Variants in PTPRD observed in about 807,000 individuals in gnomAD.
PTPRD encodes receptor-type tyrosine-protein phosphatase delta.
Under a neutral mutation model 214.5 loss-of-function variants are expected in PTPRD, and 34 were observed. The ratio of observed to expected loss-of-function variants is 0.16; its 90% CI spans 0.12 to 0.21. The LOEUF (loss-of-function observed/expected upper bound fraction) is 0.21. Among genes scored for constraint, PTPRD ranks in the 10% least tolerant of loss-of-function variants. The pLI, the probability that PTPRD is intolerant of heterozygous loss-of-function variation, is 1.00. For missense variants in PTPRD, 2,545 were observed against 2,398.7 expected, an observed-to-expected ratio of 1.06 and a Z score of -1.27; for synonymous variants, 1,128 against 845.7, an observed-to-expected ratio of 1.33 and a Z score of -5.79.
intron 12 of PTPRD, among the ~76,000 whole-genome samples, chr9:8,663,296 T>TA (rs3045060): frequency 4.0e-5 from 6 of 151,252 alleles, no homozygotes; most frequent in South Asian, 2.1e-4. Flanking sequence ...TTTTTTTTTT[T>TA]AATTCTGGGT....
chr9:9,238,435 C>T (rs2099968387), intron 9 of PTPRD, among the ~76,000 whole-genome samples: 1 of 152,066 alleles, frequency 6.6e-6, no homozygotes, highest in African/African-American at 2.4e-5. Context: ...TTATAGGTGT[C>T]TGGGTTTTAA....
At chr9:9,373,601 T>A (rs2060078516) in intron 9 of PTPRD, among the ~76,000 whole-genome samples, 1 of 152,110 alleles carries the variant, frequency 6.6e-6, no homozygotes, top group African/African-American at 2.4e-5. Flanking sequence ...TGACTTATGG[T>A]CACCTCACTC....
chr9:8,706,176 T>C (rs564587354), intron 12 of PTPRD, among the ~76,000 whole-genome samples: 7 of 151,124 alleles, frequency 4.6e-5, no homozygotes, highest in African/African-American at 1.7e-4. Context: ...AACACTGAAT[T>C]AAAAAAAAAG....
chr9:10,458,811 G>T (rs904724357), intron 2 of PTPRD, among the ~76,000 whole-genome samples: 22 of 151,956 alleles, frequency 1.4e-4, no homozygotes, highest in Non-Finnish European at 3.2e-4. Flanking sequence ...AAAACTGTTA[G>T]GTCTAATAAA....
chr9:10,437,997 C>A (rs1189231084), intron 2 of PTPRD, among the ~76,000 whole-genome samples: 1 of 120,438 alleles, frequency 8.3e-6, no homozygotes, highest in Non-Finnish European at 1.5e-5. Context: ...ACTATCAGCT[C>A]CCTAAGTCTA....
chr9:10,127,754 C>A (rs934914639), intron 3 of PTPRD, among the ~76,000 whole-genome samples: 2 of 152,162 alleles, frequency 1.3e-5, no homozygotes, highest in Non-Finnish European at 2.9e-5. Flanking sequence ...CTCATTTTCT[C>A]ATCTCTAAAC....
intron 4 of PTPRD, among the ~76,000 whole-genome samples, chr9:9,982,323 T>A (rs2095568517): frequency 1.3e-5 from 2 of 152,124 alleles, no homozygotes; most frequent in South Asian, 2.1e-4. Context: ...TTGCAACACA[T>A]TGTCTTTAAG....
chr9:10,029,521 G>C (rs572940094), intron 4 of PTPRD, among the ~76,000 whole-genome samples: 1 of 152,306 alleles, frequency 6.6e-6, no homozygotes, highest in South Asian at 2.1e-4. Flanking sequence ...GTGAGACATG[G>C]AGTCAAAGGA....
chr9:9,786,552 C>T (rs1017469133), intron 5 of PTPRD, among the ~76,000 whole-genome samples: 1 of 152,174 alleles, frequency 6.6e-6, no homozygotes, highest in African/African-American at 2.4e-5. Context: ...AGAAGTAAAT[C>T]ACAGTGGACA....
intron 5 of PTPRD, among the ~76,000 whole-genome samples, chr9:9,894,743 T>TC (rs1225240913): frequency 3.9e-5 from 6 of 152,086 alleles, no homozygotes; most frequent in African/African-American, 1.4e-4. Flanking sequence ...TTCTATGCAT[T>TC]CGGAGATTTA....
chr9:10,238,031 C>T (rs1256431380), intron 3 of PTPRD, among the ~76,000 whole-genome samples: 2 of 117,906 alleles, frequency 1.7e-5, no homozygotes, highest in Non-Finnish European at 4.1e-5. Context: ...TTCCCATTTG[C>T]TTTTTTTTTT....
chr9:8,488,602 C>A (rs374997045), intron 27 of PTPRD, among the ~76,000 whole-genome samples: 2 of 152,206 alleles, frequency 1.3e-5, no homozygotes, highest in African/African-American at 4.8e-5. Flanking sequence ...CAGAACACCA[C>A]CCATCCATAA....
At chr9:8,518,640 A>C (rs1208483936) in intron 20 of PTPRD, among the ~76,000 whole-genome samples, 1 of 152,232 alleles carries the variant, frequency 6.6e-6, no homozygotes, top group Non-Finnish European at 1.5e-5. Flanking sequence ...GAAGGGCTTG[A>C]TAGCATATTT....
At chr9:9,062,567 TC>T (rs372928794) in intron 10 of PTPRD, among the ~76,000 whole-genome samples, 9,145 of 151,248 alleles carry the variant, frequency 0.06, 297 homozygotes, top group Middle Eastern at 0.13. Context: ...TATCTATCTA[TC>T]TATCTATCTA....
chr9:8,330,777 T>TATGTCGTAAAGAACTATAG (rs1180636673), intron 44 of PTPRD, among the ~76,000 whole-genome samples: 4 of 152,130 alleles, frequency 2.6e-5, no homozygotes, highest in Non-Finnish European at 5.9e-5. Context: ...TCCTGCCTTC[T>TATGTCGTAAAGAACTATAG]ATGTCGTAAA....
chr9:8,559,415 T>C (rs1296140025), intron 14 of PTPRD, among the ~76,000 whole-genome samples: 1 of 152,246 alleles, frequency 6.6e-6, no homozygotes, highest in African/African-American at 2.4e-5. Context: ...TATTGTATCA[T>C]GTGCAATCAA....
intron 11 of PTPRD, among the ~76,000 whole-genome samples, chr9:8,930,408 G>A (rs1347291256): frequency 2.6e-5 from 4 of 152,052 alleles, no homozygotes; most frequent in Non-Finnish European, 5.9e-5. Context: ...TGTGAATAGT[G>A]CCACAATAAA....
chr9:8,495,277 T>G (rs2097238054), intron 26 of PTPRD, among the ~76,000 whole-genome samples: 1 of 152,186 alleles, frequency 6.6e-6, no homozygotes, highest in South Asian at 2.1e-4. Context: ...CGGTAACACA[T>G]CTGCAAAACT....
chr9:9,446,740 G>T (rs146138114), intron 8 of PTPRD, among the ~76,000 whole-genome samples: 3 of 152,184 alleles, frequency 2.0e-5, no homozygotes, highest in African/African-American at 7.2e-5. Context: ...CTACATAATA[G>T]AAGTGAATGT....
Sources: allele counts gnomAD v4.1 joint callset (sites outside exome capture counted in the v4.1 genomes callset), GRCh38; gene constraint gnomAD v4.1.1; transcripts MANE v1.5; gene names NCBI Gene and HGNC (gene_info 2026-07-23, HGNC 2026-07-21).